EEF2K: variants seen among roughly 807,000 people sequenced by gnomAD.
EEF2K encodes the protein alternative protein EEF2K.
A neutral mutation model predicts 93.8 loss-of-function variants in EEF2K; 70 were observed. The ratio of observed to expected loss-of-function variants is 0.75; its 90% CI spans 0.62 to 0.91. EEF2K has a LOEUF of 0.91. Among genes scored for constraint, EEF2K ranks in the 40% least tolerant of loss-of-function variants. EEF2K has a pLI of 0.00. For missense variants in EEF2K, 935 were observed against 972.9 expected (o/e 0.96, Z 0.52); for synonymous variants, 376 against 380.8 (o/e 0.99, Z 0.15).
chr16:22,276,420 T>G (rs2141686892), intron 16 of EEF2K, among the ~76,000 whole-genome samples: 1 of 152,282 alleles, frequency 6.6e-6, no homozygotes, highest in Non-Finnish European at 1.5e-5. Context: ...CTCTAGTCAT[T>G]TCCTTATTCT....
At chr16:22,239,085 G>C (rs2047196230) in intron 2 of EEF2K, among the ~76,000 whole-genome samples, 1 of 126,990 alleles carries the variant, frequency 7.9e-6, no homozygotes, top group African/African-American at 3.2e-5. Flanking sequence ...TTTATACTGT[G>C]CTTATTAAAA....
At chr16:22,243,541 T>C (rs2047246723) in intron 2 of EEF2K, among the ~76,000 whole-genome samples, 1 of 150,512 alleles carries the variant, frequency 6.6e-6, no homozygotes, top group Non-Finnish European at 1.5e-5. Flanking sequence ...CACGAGCCAC[T>C]GCACCCAGCC....
chr16:22,234,091 C>G (rs1240975023), intron 2 of EEF2K, among the ~76,000 whole-genome samples: 1 of 152,100 alleles, frequency 6.6e-6, no homozygotes, highest in Non-Finnish European at 1.5e-5. Flanking sequence ...ACCAGAGGAC[C>G]CCCCCCAGAG....
chr16:22,242,736 C>G lies in EEF2K; in HGVS notation c.247-1894C>G, dbSNP rs149753923. On this transcript the variant is annotated intron_variant, in intron 2 of 17. Transcript: ENST00000263026. ...CCAGCAACCCTGAAACAGGGCTGTT[C>G]TGCACGATGAATTTTCCTGCATCCC... Among the ~76,000 whole-genome samples, 11 of 152,244 alleles carry G rather than the reference C, an allele frequency of 7.2e-5. No individual in the cohort carries two copies. The East Asian group carries it at 9.6e-4, about 13-fold the overall frequency.
At position 22,266,836 on chromosome 16, in the gene EEF2K, C is replaced by T. The variant is rs777971267; in HGVS notation, c.1724C>T (p.Ser575Leu). 11 of 1,613,648 alleles carry T rather than the reference C, an allele frequency of 6.8e-6. No homozygotes were observed. Among genetic ancestry groups the T allele is most frequent in the East Asian group, 2.2e-5 (1 of 44,886 alleles). The change falls in exon 15 of 18, where the codon TCG (serine) becomes TTG (leucine). Residue 575 changes from serine (S) to leucine (L), a missense_variant. Ser to Leu is a moderately radical substitution (Grantham distance 145). Transcript: ENST00000263026. ...ATCGTGGGCCTGGGACTCATGTACT[C>T]GCAGTTGCCTCATCACATCCTAGCC... is the stretch of plus-strand genomic sequence containing the variant. ...EAIVGLGLMY[S>L]QLPHHILADV...
intron 2 of EEF2K, among the ~76,000 whole-genome samples, chr16:22,229,767 TCAAAAGTG>T (rs1241718333): frequency 6.6e-6 from 1 of 152,018 alleles, no homozygotes; most frequent in Non-Finnish European, 1.5e-5. Context: ...GGGTAAAAAA[TCAAAAGTG>T]CAATACCATT....
chr16:22,260,119 C>T (rs1251773502), intron 10 of EEF2K, among the ~76,000 whole-genome samples: 1 of 152,134 alleles, frequency 6.6e-6, no homozygotes, highest in Non-Finnish European at 1.5e-5. Flanking sequence ...TCTGTTCTTC[C>T]TTCACAACTG....
intron 15 of EEF2K, among the ~76,000 whole-genome samples, chr16:22,269,867 T>C (rs1462674025): frequency 6.6e-6 from 1 of 152,126 alleles, no homozygotes; most frequent in African/African-American, 2.4e-5. Flanking sequence ...GTTAGCATCC[T>C]ACACACACAC....
intron 1 of EEF2K, among the ~76,000 whole-genome samples, chr16:22,220,443 CT>C (rs10635872): frequency 4.7e-5 from 7 of 149,736 alleles, no homozygotes; most frequent in Admixed American, 6.7e-5. Flanking sequence ...TCTGAGCGTG[CT>C]TTTTTTTTTG....
intron 15 of EEF2K, among the ~76,000 whole-genome samples, chr16:22,269,522 C>T (rs763198157): frequency 3.9e-5 from 6 of 151,968 alleles, no homozygotes; most frequent in South Asian, 2.1e-4. Context: ...CTGCCTCAGT[C>T]TCCTGAGTAG....
chr16:22,260,182 A>T (rs1251869448), intron 10 of EEF2K, among the ~76,000 whole-genome samples: 1 of 152,182 alleles, frequency 6.6e-6, no homozygotes, highest in Non-Finnish European at 1.5e-5. Context: ...TAAACACATT[A>T]CAAGGATAAT....
At chr16:22,251,128 C>A (rs751189128) in intron 5 of EEF2K, 23 bp from the exon 6 acceptor site, 2 of 1,605,214 alleles carry the variant, frequency 1.2e-6, no homozygotes, top group Non-Finnish European at 1.7e-6. Flanking sequence ...CCCAGGTAGG[C>A]CCCCTGTTGC....
intron 4 of EEF2K, among the ~76,000 whole-genome samples, chr16:22,250,197 C>T (rs968217865): frequency 4.6e-5 from 7 of 152,142 alleles, no homozygotes; most frequent in Admixed American, 1.3e-4. Flanking sequence ...AGACATAAGC[C>T]GCTGCTCCTG....
In EEF2K at chr16:22,262,001, C is replaced by CCACACA. The variant is rs71151667; in HGVS notation, c.1300-1078_1300-1073dup. Reference sequence around the variant, plus strand: ...GCCTGGGTGACAACGTGAGACCCTGCCACACACACACACACACACACACAC... The same window carrying CCACACA: ...GCCTGGGTGACAACGTGAGACCCTGCCACACACACACACACACACACACACACACAC... On this transcript the variant is annotated intron_variant, in intron 11 of 17. Coordinates refer to ENST00000263026, the MANE Select transcript of EEF2K (RefSeq NM_013302.5). 7.8e-3 allele frequency among the ~76,000 whole-genome samples: 1,083 copies of CCACACA among 138,102 alleles called. 8 individuals carry two copies. The highest frequency in any genetic ancestry group is 0.021 in the African/African-American group (800 of 37,368). The allele number at this position is 138,102 out of a possible 152,430, so 90.6% of individuals were successfully genotyped here.
Position 22,225,707 on chromosome 16 carries a change from G to T in EEF2K, c.-23G>T. 6.2e-7 allele frequency: 1 copy of T among 1,611,348 alleles called. No homozygotes were observed. The highest frequency in any genetic ancestry group is 8.5e-7 in the Non-Finnish European group (1 of 1,178,422). Reference sequence around the variant, plus strand: ...CTCTGGCTGTGCCGGATACTGCTTGGGTAAAACGGGCACCCCAGGAACATG... The same window carrying T: ...CTCTGGCTGTGCCGGATACTGCTTGTGTAAAACGGGCACCCCAGGAACATG... On this transcript the variant is annotated 5_prime_UTR_variant, in exon 2 of 18. Transcript: ENST00000263026.
chr16:22,257,564 C>T (rs2141674171), intron 8 of EEF2K, 79 bp from the exon 9 acceptor site: 1 of 1,577,102 alleles, frequency 6.3e-7, no homozygotes, highest in Non-Finnish European at 8.6e-7. Flanking sequence ...CTGCCCTGGC[C>T]ATATGTATGA....
chr16:22,209,294 G>A (rs925880752), intron 1 of EEF2K, among the ~76,000 whole-genome samples: 1 of 152,182 alleles, frequency 6.6e-6, no homozygotes, highest in Admixed American at 6.5e-5. Flanking sequence ...CCAAAGTGCT[G>A]GGATTACAGG....
intron 9 of EEF2K, 144 bp downstream of exon 9, chr16:22,257,914 GCC>G: frequency 7.8e-7 from 1 of 1,283,170 alleles, no homozygotes; most frequent in Non-Finnish European, 1.1e-6. Context: ...TCCCATCCAT[GCC>G]CCAGCCCGTC....
At chr16:22,252,572 G>A (rs2047361873) in intron 6 of EEF2K, among the ~76,000 whole-genome samples, 1 of 152,196 alleles carries the variant, frequency 6.6e-6, no homozygotes, top group Non-Finnish European at 1.5e-5. Flanking sequence ...CCTGCCCTTA[G>A]AGCTAGGAAT....
Sources: gnomAD v4.1 joint callset for allele counts (sites outside exome capture counted in the v4.1 genomes callset) on GRCh38, gnomAD v4.1.1 for gene constraint, MANE v1.5 for transcripts, NCBI Gene and HGNC (gene_info 2026-07-23, HGNC 2026-07-21) for gene names.